RBFOX3: variants seen among roughly 807,000 people sequenced by gnomAD.
RBFOX3 encodes the protein RNA binding fox-1 homolog 3, also known as RNA binding protein fox-1 homolog 3.
In RBFOX3, 17 loss-of-function variants were observed where a neutral mutation model predicts 48.7. The ratio of observed to expected loss-of-function variants is 0.35; its 90% CI spans 0.24 to 0.52. The LOEUF is 0.52. Ranked by LOEUF, RBFOX3 falls within the 20% of genes least tolerant of loss-of-function variation. RBFOX3 has a pLI of 0.94. For missense variants in RBFOX3, 382 were observed against 497.5 expected (o/e 0.77, Z 2.21); for synonymous variants, 212 against 209.5 (o/e 1.01, Z -0.10).
chr17:79,209,166 G>A (rs1467932104), intron 4 of RBFOX3, among the ~76,000 whole-genome samples: 1 of 152,184 alleles, frequency 6.6e-6, no homozygotes, highest in Non-Finnish European at 1.5e-5. Flanking sequence ...CTCCCACCAG[G>A]CCACCCATGT....
intron 3 of RBFOX3, among the ~76,000 whole-genome samples, chr17:79,301,844 A>T (rs115756089): frequency 2.9e-3 from 441 of 152,344 alleles, no homozygotes; most frequent in Middle Eastern, 0.027. Context: ...GAGTGAAATA[A>T]GCCAGACTCA....
intron 2 of RBFOX3, among the ~76,000 whole-genome samples, chr17:79,328,505 A>T (rs2079689915): frequency 6.6e-6 from 1 of 152,172 alleles, no homozygotes; most frequent in Non-Finnish European, 1.5e-5. Flanking sequence ...ACTGTATTTC[A>T]TTTTAATTTG....
intron 1 of RBFOX3, among the ~76,000 whole-genome samples, chr17:79,575,922 G>A (rs1022390436): frequency 1.5e-4 from 23 of 152,314 alleles, no homozygotes; most frequent in Admixed American, 9.8e-4. Flanking sequence ...AGCAAAAGTC[G>A]CCAGTCCTGT....
At position 79,197,388 on chromosome 17, in the gene RBFOX3, C is replaced by CT. The variant is rs72118967; in HGVS notation, c.-34+38377dup. Among the ~76,000 whole-genome samples, 70 of 112,774 alleles carry CT rather than the reference C, an allele frequency of 6.2e-4. 1 individual carries two copies. The highest frequency in any genetic ancestry group is 1.5e-3 in the African/African-American group (47 of 32,192). The allele number at this position is 112,774 out of a possible 152,430, so 74.0% of individuals were successfully genotyped here. On this transcript the variant is annotated intron_variant, in intron 4 of 14. Transcript: ENST00000693108. ...AGATATTTCTTTTCTTTCTTTCTTT[C>CT]TTTTTTTTTTTTTTTTTTGAGACAG...
rs905162892 is a variant in RBFOX3, at chr17:79,477,885, A to G, written c.-175+4569T>C. 2.0e-5 allele frequency among the ~76,000 whole-genome samples: 3 copies of G among 152,220 alleles called. No homozygotes were observed. The highest frequency in any genetic ancestry group is 7.2e-5 in the African/African-American group (3 of 41,472). ...AAATATTGGATCCAAGAAGGAAATAAGATGCCCCTGTAGGAAGGAGAGACC... is the reference window on the plus strand; with the variant it reads ...AAATATTGGATCCAAGAAGGAAATAGGATGCCCCTGTAGGAAGGAGAGACC... On this transcript the variant is annotated intron_variant, in intron 2 of 14. Coordinates refer to ENST00000693108, the MANE Select transcript of RBFOX3 (RefSeq NM_001350451.2). This position sits in a 1 kb window ranked among gnomAD's most constrained non-coding sequence, Gnocchi z 4.8.
At chr17:79,438,254 T>C (rs1042904334) in intron 2 of RBFOX3, among the ~76,000 whole-genome samples, 1 of 152,222 alleles carries the variant, frequency 6.6e-6, no homozygotes, top group Non-Finnish European at 1.5e-5. Context: ...GTCCTAACCC[T>C]GCAGGCCCAG....
intron 2 of RBFOX3, among the ~76,000 whole-genome samples, chr17:79,395,159 G>A (rs1413889343): frequency 6.6e-6 from 1 of 152,244 alleles, no homozygotes; most frequent in African/African-American, 2.4e-5. Context: ...AGTGGCAAAG[G>A]GCTAGATGTT....
intron 2 of RBFOX3, among the ~76,000 whole-genome samples, chr17:79,403,782 C>CTTTTTTTTTTT (rs781618072): frequency 8.0e-6 from 1 of 124,354 alleles, no homozygotes; most frequent in Non-Finnish European, 1.6e-5. Flanking sequence ...TGTTCTTTTT[C>CTTTTTTTTTTT]TTTTTTTTTT....
intron 3 of RBFOX3, among the ~76,000 whole-genome samples, chr17:79,292,613 CACATACAT>C (rs1567988453): frequency 0.016 from 1,078 of 68,660 alleles, 13 homozygotes; most frequent in African/African-American, 0.059. Flanking sequence ...CACACACACA[CACATACAT>C]GCAGACCCAG....
In RBFOX3 at chr17:79,112,423, G is replaced by T. The variant is rs554155728; in HGVS notation, c.222+3071C>A. ...AATTGCTGGCTGGAAACCCTCCTCG[G>T]GGGAGGAGGAGCAGGAAGAGGCCTC... is the stretch of plus-strand genomic sequence containing the variant. On this transcript the variant is annotated intron_variant, in intron 5 of 14. Transcript: ENST00000693108. Among the ~76,000 whole-genome samples the T allele has an allele frequency of 8.4e-4, 128 of 152,322 alleles. 1 individual carries two copies. The highest frequency in any genetic ancestry group is 3.1e-3 in the African/African-American group (127 of 41,564).
chr17:79,440,472 C>G lies in RBFOX3; in HGVS notation c.-175+41982G>C, dbSNP rs560673509. The stretch of plus-strand genomic sequence containing the variant: ...CTCCATTGGCTATACCTGGGCCGGC[C>G]GAAGCCCAGACCAGGGGAGCCGAAG... On this transcript the variant is annotated intron_variant, in intron 2 of 14. Transcript: ENST00000693108. 2.3e-3 allele frequency among the ~76,000 whole-genome samples: 353 copies of G among 152,238 alleles called. 3 individuals carry two copies. Among genetic ancestry groups the G allele is most frequent in the African/African-American group, 8.0e-3 (334 of 41,524 alleles).
At chr17:79,643,353 A>T in the RBFOX3 span, among the ~76,000 whole-genome samples, 2 of 152,244 alleles carry the variant, frequency 1.3e-5, no homozygotes, top group African/African-American at 4.8e-5. Flanking sequence ...ATCTATAATC[A>T]TAGTTGGAAA....
intron 3 of RBFOX3, among the ~76,000 whole-genome samples, chr17:79,292,965 C>A (rs573873995): frequency 1.3e-5 from 2 of 152,146 alleles, no homozygotes; most frequent in African/African-American, 2.4e-5. Flanking sequence ...TTATACCTGC[C>A]CCCACCTTCC....
At chr17:79,592,628 G>A (rs1025027076) in intron 1 of RBFOX3, among the ~76,000 whole-genome samples, 3 of 151,948 alleles carry the variant, frequency 2.0e-5, no homozygotes, top group African/African-American at 2.4e-5. Context: ...TCCCACCTGC[G>A]CTGTGAACAC....
At chr17:79,184,019 G>A (rs1376546366) in intron 4 of RBFOX3, among the ~76,000 whole-genome samples, 3 of 152,250 alleles carry the variant, frequency 2.0e-5, no homozygotes, top group Admixed American at 6.5e-5. Context: ...CGCCGGCTCT[G>A]CGGCCGACCG....
intron 3 of RBFOX3, among the ~76,000 whole-genome samples, chr17:79,255,084 C>G (rs964204242): frequency 6.6e-6 from 1 of 152,146 alleles, no homozygotes. Flanking sequence ...CCTTAGCCAA[C>G]TCCTTGACCC....
At chr17:79,135,524 C>G (rs183160406) in intron 4 of RBFOX3, among the ~76,000 whole-genome samples, 96 of 152,302 alleles carry the variant, frequency 6.3e-4, no homozygotes, top group African/African-American at 2.1e-3. Flanking sequence ...AGCAGGGCTT[C>G]CAACAGGGGG....
At chr17:79,333,093 C>T (rs917767798) in intron 2 of RBFOX3, among the ~76,000 whole-genome samples, 1 of 144,314 alleles carries the variant, frequency 6.9e-6, no homozygotes, top group Non-Finnish European at 1.6e-5. Context: ...GAGACAGACA[C>T]AGAGAAAAAG....
At chr17:79,194,093 G>GT (rs762382748) in intron 4 of RBFOX3, among the ~76,000 whole-genome samples, 3 of 152,236 alleles carry the variant, frequency 2.0e-5, no homozygotes, top group East Asian at 3.9e-4. Context: ...AAAAATTTTG[G>GT]TAAAAAAACA....
Sources: gnomAD v4.1 joint callset for allele counts (sites outside exome capture counted in the v4.1 genomes callset) on GRCh38, gnomAD v4.1.1 for gene constraint, Gnocchi (gnomAD v3.1) non-coding constraint, MANE v1.5 for transcripts, NCBI Gene and HGNC (gene_info 2026-07-23, HGNC 2026-07-21) for gene names.